The following CORO2B variants were observed in gnomAD, a reference collection of about 807,000 sequenced individuals.
CORO2B encodes coronin-2B.
Under a neutral mutation model 58.8 loss-of-function variants are expected in CORO2B, and 26 were observed. The observed-to-expected ratio is 0.44, with a 90% CI of 0.32 to 0.61. CORO2B has a LOEUF of 0.61. Ranked by LOEUF, CORO2B falls within the 20% of genes least tolerant of loss-of-function variation. The probability of loss-of-function intolerance (pLI) is 0.04; values close to 1 mark genes in which losing one functional copy is unlikely to be tolerated. For missense variants in CORO2B, 460 were observed against 645.1 expected (o/e 0.71, Z 3.11); for synonymous variants, 242 against 253.8 (o/e 0.95, Z 0.44).
At position 68,710,140 on chromosome 15, in the gene CORO2B, C is replaced by T. The variant is rs1223150305; in HGVS notation, c.334-592C>T. On this transcript the variant is annotated intron_variant, in intron 3 of 11. Coordinates refer to ENST00000261861, the MANE Select transcript of CORO2B (RefSeq NM_006091.5). The surrounding 1 kb of genome is among the most constrained non-coding windows in gnomAD (Gnocchi z 4.1). ...ATCCACAAGACTGAAAATAGCAGCT[C>T]TATCCAGGCTCTGCCCATCCTTTCA... Among the ~76,000 whole-genome samples the T allele has an allele frequency of 1.3e-5, 2 of 152,230 alleles. No individual in the cohort carries two copies. Among genetic ancestry groups the T allele is most frequent in the Non-Finnish European group, 1.5e-5 (1 of 68,042 alleles).
In CORO2B at chr15:68,726,144, C is replaced by A; in HGVS notation, c.*170C>A. The A allele has an allele frequency of 1.2e-6, 1 of 818,622 alleles. No individual in the cohort carries two copies. Among genetic ancestry groups the A allele is most frequent in the Non-Finnish European group, 1.9e-6 (1 of 532,558 alleles). The allele number at this position is 818,622 out of a possible 1,614,324, so 50.7% of individuals were successfully genotyped here. ...GGAAGCCAACCTCTAACCTCCTGAC[C>A]TCATGCTAATAAAAGTCCCCAGCTT... On this transcript the variant is annotated 3_prime_UTR_variant, in exon 12 of 12. Coordinates refer to ENST00000261861, the MANE Select transcript of CORO2B (RefSeq NM_006091.5).
intron 3 of CORO2B, among the ~76,000 whole-genome samples, chr15:68,699,914 A>G (rs1166958356): frequency 6.6e-6 from 1 of 152,170 alleles, no homozygotes; most frequent in Non-Finnish European, 1.5e-5. Context: ...ATCACGCTCA[A>G]CATTTACATC....
the CORO2B span, among the ~76,000 whole-genome samples, chr15:68,563,972 CA>C: frequency 6.6e-6 from 1 of 152,006 alleles, no homozygotes; most frequent in Non-Finnish European, 1.5e-5. Context: ...CAGATTCTTC[CA>C]AAAAAATAGA....
chr15:68,561,489 G>T, the CORO2B span, among the ~76,000 whole-genome samples: 157 of 152,246 alleles, frequency 1.0e-3, no homozygotes, highest in African/African-American at 3.6e-3. Context: ...GGCCCAGCGG[G>T]ACAGGTAGAG....
rs538835902 is a variant in CORO2B at position 68,693,242 on chromosome 15, G to T, written c.217-1898G>T. ...ATGGCTCTGTTGCAAAAGATCAAAC[G>T]ATCTGGAAATGAGCCGACAGAGATG... On this transcript the variant is annotated intron_variant, in intron 2 of 11. Coordinates refer to ENST00000261861, the MANE Select transcript of CORO2B (RefSeq NM_006091.5). Among the ~76,000 whole-genome samples, 7 of 152,230 alleles carry T rather than the reference G, an allele frequency of 4.6e-5. No homozygotes were observed. In the South Asian group the frequency reaches 1.0e-3, roughly 23 times the overall value.
intron 1 of CORO2B, among the ~76,000 whole-genome samples, chr15:68,624,647 A>G (rs1900626396): frequency 6.6e-6 from 1 of 151,054 alleles, no homozygotes; most frequent in Admixed American, 6.6e-5. Context: ...ATAATTCACT[A>G]GATCTGGGGT....
chr15:68,613,505 G>A (rs1433791752), intron 1 of CORO2B, among the ~76,000 whole-genome samples: 1 of 152,160 alleles, frequency 6.6e-6, no homozygotes, highest in Non-Finnish European at 1.5e-5. Context: ...TCAGTCCCCT[G>A]GTGGCTGGCA....
intron 1 of CORO2B, among the ~76,000 whole-genome samples, chr15:68,602,160 A>G (rs1900000550): frequency 6.6e-6 from 1 of 152,092 alleles, no homozygotes; most frequent in Non-Finnish European, 1.5e-5. Flanking sequence ...CACAGCAGCC[A>G]TCATAATCCC....
intron 2 of CORO2B, among the ~76,000 whole-genome samples, chr15:68,650,062 G>A (rs768134533): frequency 5.9e-5 from 9 of 152,244 alleles, no homozygotes; most frequent in South Asian, 2.1e-4. Context: ...ACACTGTTAC[G>A]TGAAGAAATG....
chr15:68,633,928 C>T (rs1333807647), intron 1 of CORO2B, among the ~76,000 whole-genome samples: 1 of 152,234 alleles, frequency 6.6e-6, no homozygotes, highest in Non-Finnish European at 1.5e-5. Context: ...CAGGGAGCAA[C>T]GTCTTGGTCT....
chr15:68,639,123 A>T (rs182495737), intron 1 of CORO2B, among the ~76,000 whole-genome samples: 1 of 152,320 alleles, frequency 6.6e-6, no homozygotes, highest in East Asian at 1.9e-4. Context: ...AATAAAATGC[A>T]AAACCTCAGC....
In CORO2B at chr15:68,621,593, T is replaced by C. The variant is rs568668397; in HGVS notation, c.16-23567T>C. ...GTCTTCATAACTCTGCCTTTCCAGATGGGTTGGTTACCAGAGCCTTGTGAG... is the reference window on the plus strand; with the variant it reads ...GTCTTCATAACTCTGCCTTTCCAGACGGGTTGGTTACCAGAGCCTTGTGAG... On this transcript the variant is annotated intron_variant, in intron 1 of 11. Transcript: ENST00000261861. Among the ~76,000 whole-genome samples, 18 of 152,238 alleles carry C rather than the reference T, an allele frequency of 1.2e-4. No individual in the cohort carries two copies. The East Asian group carries it at 2.9e-3, about 25-fold the overall frequency.
At position 68,662,879 on chromosome 15, in the gene CORO2B, C is replaced by T. The variant is rs1264916642; in HGVS notation, c.216+17519C>T. ...TATTTTATGCCAGTAAATGATAAGACAGACTAGTATCTACAGATATTCTAT... is the reference window on the plus strand; with the variant it reads ...TATTTTATGCCAGTAAATGATAAGATAGACTAGTATCTACAGATATTCTAT... On this transcript the variant is annotated intron_variant, in intron 2 of 11. Transcript: ENST00000261861. Among the ~76,000 whole-genome samples, 5 of 152,272 alleles carry T rather than the reference C, an allele frequency of 3.3e-5. No homozygotes were observed. In the East Asian group the frequency reaches 9.6e-4, roughly 29 times the overall value.
chr15:68,626,232 G>C (rs115971024), intron 1 of CORO2B, among the ~76,000 whole-genome samples: 1 of 152,186 alleles, frequency 6.6e-6, no homozygotes, highest in East Asian at 1.9e-4. Context: ...TAACGCAGGA[G>C]GGGGCTTGAG....
At chr15:68,635,921 TG>T (rs1901019986) in intron 1 of CORO2B, among the ~76,000 whole-genome samples, 1 of 152,050 alleles carries the variant, frequency 6.6e-6, no homozygotes, top group Non-Finnish European at 1.5e-5. Context: ...GTGGTAAGCC[TG>T]GAAAAATAAG....
At chr15:68,630,490 C>A (rs1012401073) in intron 1 of CORO2B, among the ~76,000 whole-genome samples, 2 of 151,956 alleles carry the variant, frequency 1.3e-5, no homozygotes, top group Admixed American at 1.3e-4. Context: ...CTCTGGGCCT[C>A]CTTAAAATAG....
chr15:68,591,352 T>A (rs1023533825), intron 1 of CORO2B, among the ~76,000 whole-genome samples: 1 of 152,158 alleles, frequency 6.6e-6, no homozygotes, highest in African/African-American at 2.4e-5. Flanking sequence ...GGAAACATGT[T>A]TGGCTTATTC....
chr15:68,528,689 G>GT, the CORO2B span, among the ~76,000 whole-genome samples: 776 of 117,930 alleles, frequency 6.6e-3, 2 homozygotes, highest in Non-Finnish European at 8.3e-3. Flanking sequence ...TTTTCTGAGT[G>GT]TTTTTTTTTT....
intron 1 of CORO2B, among the ~76,000 whole-genome samples, chr15:68,580,390 C>T (rs995615303): frequency 1.5e-4 from 4 of 26,456 alleles, no homozygotes; most frequent in African/African-American, 3.0e-4. Flanking sequence ...AGGGTCAGAG[C>T]AGTGGGGCCA....
Sources: gnomAD v4.1 joint callset for allele counts (sites outside exome capture counted in the v4.1 genomes callset) on GRCh38, gnomAD v4.1.1 for gene constraint, Gnocchi (gnomAD v3.1) non-coding constraint, MANE v1.5 for transcripts, NCBI Gene and HGNC (gene_info 2026-07-23, HGNC 2026-07-21) for gene names.